KDM4C: variants seen among roughly 807,000 people sequenced by gnomAD.
KDM4C encodes lysine-specific demethylase 4C.
Under a neutral mutation model 129.3 loss-of-function variants are expected in KDM4C, and 81 were observed. The observed-to-expected ratio is 0.63, with a 90% CI of 0.52 to 0.75. The LOEUF is 0.75. Ranked by LOEUF, KDM4C falls within the 30% of genes least tolerant of loss-of-function variation. KDM4C has a pLI of 0.00. For synonymous variants in KDM4C, 573 were observed against 456.1 expected, an observed-to-expected ratio of 1.26 and a Z score of -3.26; for missense variants, 1,457 against 1,304.0, an observed-to-expected ratio of 1.12 and a Z score of -1.81.
intron 16 of KDM4C, among the ~76,000 whole-genome samples, chr9:7,048,693 C>T (rs1229929965): frequency 6.6e-6 from 1 of 152,094 alleles, no homozygotes; most frequent in Non-Finnish European, 1.5e-5. Flanking sequence ...GTGCTATACC[C>T]AGTTCATACC....
intron 17 of KDM4C, among the ~76,000 whole-genome samples, chr9:7,056,366 C>T (rs1203094496): frequency 6.7e-6 from 1 of 149,076 alleles, no homozygotes; most frequent in Non-Finnish European, 1.5e-5. Flanking sequence ...AAAAAAAGTA[C>T]ATTAGTAGCT....
chr9:7,158,658 A>C (rs966848001), intron 19 of KDM4C, among the ~76,000 whole-genome samples: 14 of 152,066 alleles, frequency 9.2e-5, no homozygotes, highest in Admixed American at 8.5e-4. Flanking sequence ...GTTTTGAGTG[A>C]GTTTCTTTAT....
Position 6,836,082 on chromosome 9 carries a change from G to C in KDM4C, c.436-13425G>C, listed in dbSNP as rs188829598. Among the ~76,000 whole-genome samples the C allele has an allele frequency of 3.2e-3, 487 of 152,110 alleles. 5 individuals are homozygous for C. Among genetic ancestry groups the C allele is most frequent in the African/African-American group, 0.011 (452 of 41,490 alleles). ...AGCTTGAGATGTATGAAGGCTTTTG[G>C]TCTCCCTGGGAGTGGGTACAGGCAG... On this transcript the variant is annotated intron_variant, in intron 4 of 21. Transcript: ENST00000381309.
intron 17 of KDM4C, among the ~76,000 whole-genome samples, chr9:7,054,661 G>C (rs1657223299): frequency 6.6e-6 from 1 of 152,188 alleles, no homozygotes; most frequent in African/African-American, 2.4e-5. Context: ...GAGTTAAAAA[G>C]AAGTATGGAT....
intron 1 of KDM4C, among the ~76,000 whole-genome samples, chr9:6,734,313 A>C: frequency 2.0e-5 from 1 of 50,686 alleles, no homozygotes; most frequent in South Asian, 5.3e-4. Context: ...TTTTTTTTTT[A>C]GATGGAGTTT....
At chr9:7,113,731 G>A (rs1838592518) in intron 18 of KDM4C, among the ~76,000 whole-genome samples, 1 of 152,146 alleles carries the variant, frequency 6.6e-6, no homozygotes, top group African/African-American at 2.4e-5. Context: ...ATAATTTCTC[G>A]AGCATTTGAT....
intron 12 of KDM4C, 150 bp from the exon 13 acceptor site, chr9:7,011,548 G>A: frequency 1.5e-6 from 1 of 674,422 alleles, no homozygotes; most frequent in African/African-American, 1.8e-5. Flanking sequence ...CCTTATCCTG[G>A]CTCTCTCAGG....
chr9:7,072,199 T>G (rs1164714315), intron 17 of KDM4C, among the ~76,000 whole-genome samples: 1 of 152,216 alleles, frequency 6.6e-6, no homozygotes, highest in Non-Finnish European at 1.5e-5. Flanking sequence ...TATAAATTGC[T>G]TGTGGTAATG....
chr9:7,146,502 A>T (rs1469984443), intron 19 of KDM4C, among the ~76,000 whole-genome samples: 1 of 152,216 alleles, frequency 6.6e-6, no homozygotes, highest in African/African-American at 2.4e-5. Context: ...TAGGAACCAT[A>T]TAGTTGCCAA....
chr9:6,984,458 A>C, intron 10 of KDM4C, 54 bp downstream of exon 10: 1 of 1,156,464 alleles, frequency 8.6e-7, no homozygotes, highest in African/African-American at 1.5e-5. Flanking sequence ...GTTGATGATC[A>C]GATGTCTTAA....
intron 17 of KDM4C, among the ~76,000 whole-genome samples, chr9:7,095,404 G>C (rs1262676951): frequency 6.6e-6 from 1 of 152,056 alleles, no homozygotes; most frequent in Non-Finnish European, 1.5e-5. Context: ...TTTTTTCTCA[G>C]ATACCTTTAG....
At chr9:6,918,858 CT>C (rs892710090) in intron 8 of KDM4C, among the ~76,000 whole-genome samples, 27 of 146,898 alleles carry the variant, frequency 1.8e-4, no homozygotes, top group South Asian at 2.1e-4. Context: ...CCTTTGCTCA[CT>C]TTTTTTTTTT....
intron 17 of KDM4C, among the ~76,000 whole-genome samples, chr9:7,101,308 A>G (rs1422006775): frequency 6.6e-6 from 1 of 152,178 alleles, no homozygotes; most frequent in Non-Finnish European, 1.5e-5. Flanking sequence ...ATCTTTAGGC[A>G]TCAAATTCCA....
intron 5 of KDM4C, among the ~76,000 whole-genome samples, chr9:6,867,925 C>G (rs1480787949): frequency 6.6e-6 from 1 of 152,176 alleles, no homozygotes; most frequent in African/African-American, 2.4e-5. Flanking sequence ...AAATCTTACA[C>G]AGAACCCTTA....
intron 17 of KDM4C, among the ~76,000 whole-genome samples, chr9:7,091,676 A>G (rs986711132): frequency 2.0e-5 from 3 of 152,226 alleles, no homozygotes; most frequent in Non-Finnish European, 4.4e-5. Flanking sequence ...CTTTCCATAA[A>G]AATAAATCTG....
intron 1 of KDM4C, among the ~76,000 whole-genome samples, chr9:6,732,182 C>A (rs546611666): frequency 1.3e-5 from 2 of 150,668 alleles, no homozygotes. Flanking sequence ...CTGGCTAACA[C>A]AGTGAAACCC....
chr9:7,158,518 G>A (rs927942410), intron 19 of KDM4C, among the ~76,000 whole-genome samples: 3 of 152,108 alleles, frequency 2.0e-5, no homozygotes, highest in African/African-American at 7.2e-5. Context: ...GCTTAAATGT[G>A]TCCCAGAGAT....
rs116023508 is a variant in KDM4C, at chr9:7,018,940, C to T, written c.2259+3011C>T. Among the ~76,000 whole-genome samples the T allele has an allele frequency of 6.0e-3, 906 of 152,266 alleles. 14 individuals are homozygous for T. The highest frequency in any genetic ancestry group is 0.02 in the African/African-American group (818 of 41,546). On this transcript the variant is annotated intron_variant, in intron 15 of 21. Transcript: ENST00000381309. ...TGTCAATTTACAGTTGAACTGGGAA[C>T]TCTTGAATATAACATTACAATGATT... is the stretch of plus-strand genomic sequence containing the variant.
intron 8 of KDM4C, among the ~76,000 whole-genome samples, chr9:6,977,667 C>A (rs1219288155): frequency 1.3e-5 from 2 of 152,118 alleles, no homozygotes; most frequent in African/African-American, 4.8e-5. Flanking sequence ...TGCCTGTCAT[C>A]TGCTGGGCCT....
Sources: gnomAD v4.1 joint callset for allele counts (sites outside exome capture counted in the v4.1 genomes callset) on GRCh38, gnomAD v4.1.1 for gene constraint, MANE v1.5 for transcripts, NCBI Gene and HGNC (gene_info 2026-07-23, HGNC 2026-07-21) for gene names.